The following TNR variants were observed in gnomAD, a reference collection of about 807,000 sequenced individuals.
TNR encodes tenascin-R.
Under a neutral mutation model 150.4 loss-of-function variants are expected in TNR, and 45 were observed. The observed-to-expected ratio is 0.30, with a 90% confidence interval of 0.24 to 0.38. The LOEUF (loss-of-function observed/expected upper bound fraction) is 0.38. Ranked by LOEUF, TNR falls within the 10% of genes least tolerant of loss-of-function variation. The probability of loss-of-function intolerance (pLI) is 1.00; values close to 1 mark genes in which losing one functional copy is unlikely to be tolerated. For synonymous variants in TNR, 687 were observed against 678.4 expected (o/e 1.01, Z -0.20); for missense variants, 1,544 against 1,759.1 (o/e 0.88, Z 2.19).
intron 1 of TNR, among the ~76,000 whole-genome samples, chr1:175,598,967 G>C (rs1056423655): frequency 6.6e-6 from 1 of 152,242 alleles, no homozygotes; most frequent in African/African-American, 2.4e-5. Flanking sequence ...TTGTTGAGCA[G>C]AGAGGAGATG....
intron 2 of TNR, among the ~76,000 whole-genome samples, chr1:175,455,298 A>G (rs2102098139): frequency 6.6e-6 from 1 of 152,312 alleles, no homozygotes; most frequent in South Asian, 2.1e-4. Flanking sequence ...CTGTTATTTT[A>G]TACCACTAAG....
chr1:175,384,041 G>C (rs1025733084), intron 8 of TNR, among the ~76,000 whole-genome samples: 5 of 152,214 alleles, frequency 3.3e-5, no homozygotes, highest in Non-Finnish European at 7.3e-5. Flanking sequence ...TGGGCCACCA[G>C]CCAATCCTGC....
intron 1 of TNR, among the ~76,000 whole-genome samples, chr1:175,631,697 TGA>T (rs1309233021): frequency 2.0e-5 from 3 of 152,090 alleles, no homozygotes; most frequent in Non-Finnish European, 4.4e-5. Context: ...TGAGTGTGTG[TGA>T]GTGTGAGGGT....
chr1:175,359,857 C>G, intron 14 of TNR, 126 bp from the exon 15 acceptor site: 2 of 1,213,934 alleles, frequency 1.6e-6, no homozygotes, highest in Non-Finnish European at 2.2e-6. Flanking sequence ...AAGAAGTGAG[C>G]AGAAACCTCT....
At chr1:175,589,809 G>A (rs546960609) in intron 1 of TNR, among the ~76,000 whole-genome samples, 3 of 151,766 alleles carry the variant, frequency 2.0e-5, no homozygotes, top group African/African-American at 7.2e-5. Context: ...AGAACACATG[G>A]ACACAGGAAA....
At chr1:175,590,192 A>G (rs1662743849) in intron 1 of TNR, among the ~76,000 whole-genome samples, 1 of 152,194 alleles carries the variant, frequency 6.6e-6, no homozygotes, top group Non-Finnish European at 1.5e-5. Flanking sequence ...AGAAAGAGGT[A>G]AGTATGGGAG....
intron 2 of TNR, among the ~76,000 whole-genome samples, chr1:175,483,658 G>A (rs1019378300): frequency 5.3e-5 from 8 of 152,204 alleles, no homozygotes; most frequent in African/African-American, 1.7e-4. Context: ...GGCTGCTATT[G>A]GATTTGATCC....
intron 2 of TNR, among the ~76,000 whole-genome samples, chr1:175,411,023 G>C (rs1331626722): frequency 6.6e-6 from 1 of 152,182 alleles, no homozygotes; most frequent in East Asian, 1.9e-4. Context: ...CTAAAACTAT[G>C]ATATGTGCAA....
chr1:175,657,879 A>ATATATATATATATATATATATATATATG (rs1257413429), intron 1 of TNR, among the ~76,000 whole-genome samples: 1 of 121,106 alleles, frequency 8.3e-6, no homozygotes, highest in African/African-American at 3.0e-5. Context: ...ATATATATAT[A>ATATATATATATATATATATATATATATG]TATATGTAAC....
chr1:175,365,864 T>C lies in TNR; in HGVS notation c.2317+11A>G. The C allele has an allele frequency of 6.2e-7, 1 of 1,609,602 alleles. No individual in the cohort carries two copies. Among genetic ancestry groups the C allele is most frequent in the Non-Finnish European group, 8.5e-7 (1 of 1,176,772 alleles). The stretch of plus-strand genomic sequence containing the variant: ...CCCTGAACCTGGCTGGGATTTCTGC[T>C]GCTCTGGTACCTGTGAAAGCATCCA... On this transcript the variant is annotated intron_variant, in intron 11 of 22. Coordinates refer to ENST00000367674, the MANE Select transcript of TNR (RefSeq NM_003285.3).
At chr1:175,358,599 C>G (rs1160156485) in intron 15 of TNR, among the ~76,000 whole-genome samples, 1 of 152,148 alleles carries the variant, frequency 6.6e-6, no homozygotes, top group Non-Finnish European at 1.5e-5. Context: ...CTTCTGGTAT[C>G]TTTGTTCTCT....
chr1:175,492,746 G>C (rs566990194), intron 2 of TNR, among the ~76,000 whole-genome samples: 2 of 152,284 alleles, frequency 1.3e-5, no homozygotes, highest in African/African-American at 4.8e-5. Flanking sequence ...GGGGTTTAGG[G>C]ATGCAACAAG....
chr1:175,431,223 C>A (rs1655245489), intron 2 of TNR, among the ~76,000 whole-genome samples: 1 of 152,162 alleles, frequency 6.6e-6, no homozygotes, highest in Non-Finnish European at 1.5e-5. Context: ...GGAGAAAAAT[C>A]CGAACCTGAA....
chr1:175,440,392 G>A (rs1202381077), intron 2 of TNR, among the ~76,000 whole-genome samples: 1 of 143,060 alleles, frequency 7.0e-6, no homozygotes, highest in Non-Finnish European at 1.5e-5. Flanking sequence ...GCGGGTGGGG[G>A]GAGGGATAGC....
chr1:175,507,041 C>T (rs1228307844), intron 2 of TNR, among the ~76,000 whole-genome samples: 1 of 152,166 alleles, frequency 6.6e-6, no homozygotes, highest in African/African-American at 2.4e-5. Flanking sequence ...GGTCATGAAG[C>T]CAAGTCAGAT....
In TNR at chr1:175,366,046, A is replaced by G. The variant is rs149265689; in HGVS notation, c.2146T>C (p.Tyr716His). ...WTKASGPIDH[Y>H]RITFTPSSGI... ...GAGGATGGGGTAAAGGTAATTCGGTAGTGGTCAATGGGGCCACTGGCCTTG... is the reference window on the plus strand; with the variant it reads ...GAGGATGGGGTAAAGGTAATTCGGTGGTGGTCAATGGGGCCACTGGCCTTG... The change falls in exon 11 of 23, where the codon TAC (tyrosine) becomes CAC (histidine). Residue 716 changes from tyrosine (Y) to histidine (H), a missense_variant. By Grantham distance (83) the Tyr-to-His change is moderately conservative. Coordinates refer to ENST00000367674, the MANE Select transcript of TNR (RefSeq NM_003285.3). 1.2e-6 allele frequency: 2 copies of G among 1,614,126 alleles called. No individual in the cohort carries two copies. Among genetic ancestry groups the G allele is most frequent in the Non-Finnish European group, 1.7e-6 (2 of 1,179,998 alleles).
chr1:175,616,073 T>G (rs935146933), intron 1 of TNR, among the ~76,000 whole-genome samples: 20 of 152,226 alleles, frequency 1.3e-4, no homozygotes, highest in African/African-American at 4.8e-4. Flanking sequence ...CTGTTCTTTC[T>G]GCGTGGGACA....
intron 18 of TNR, among the ~76,000 whole-genome samples, chr1:175,344,864 A>G (rs1215472028): frequency 1.3e-5 from 2 of 152,186 alleles, no homozygotes; most frequent in African/African-American, 4.8e-5. Context: ...TGCAGCCAGC[A>G]TTAGTCTGAT....
At chr1:175,664,193 G>A (rs967203309) in intron 1 of TNR, among the ~76,000 whole-genome samples, 13 of 152,206 alleles carry the variant, frequency 8.5e-5, no homozygotes, top group Admixed American at 8.5e-4. Flanking sequence ...ACAGCCAGCT[G>A]GCCTCTGGGC....
Sources: allele counts gnomAD v4.1 joint callset (sites outside exome capture counted in the v4.1 genomes callset), GRCh38; gene constraint gnomAD v4.1.1; transcripts MANE v1.5; gene names NCBI Gene and HGNC (gene_info 2026-07-23, HGNC 2026-07-21).